The following PEAK1 variants were observed in gnomAD, a reference collection of about 807,000 sequenced individuals.
PEAK1 encodes inactive tyrosine-protein kinase PEAK1.
PEAK1 carries 54 observed loss-of-function variants against 124.7 expected under a neutral mutation model. The ratio of observed to expected loss-of-function variants is 0.43; its 90% confidence interval spans 0.35 to 0.54. The LOEUF (loss-of-function observed/expected upper bound fraction) is 0.54. Ranked by LOEUF, PEAK1 falls within the 20% of genes least tolerant of loss-of-function variation. The pLI is 0.01. For synonymous variants in PEAK1, 719 were observed against 760.0 expected (o/e 0.95, Z 0.89); for missense variants, 2,046 against 2,134.5 (o/e 0.96, Z 0.82).
intron 9 of PEAK1, among the ~76,000 whole-genome samples, chr15:77,115,706 TCTTA>T (rs1259126791): frequency 4.6e-5 from 7 of 152,224 alleles, no homozygotes; most frequent in Non-Finnish European, 7.3e-5. Flanking sequence ...ATAATTTTTC[TCTTA>T]CTTCTGTAGA....
At chr15:77,354,561 T>C (rs1010019880) in intron 2 of PEAK1, among the ~76,000 whole-genome samples, 6 of 152,188 alleles carry the variant, frequency 3.9e-5, no homozygotes, top group Non-Finnish European at 8.8e-5. Flanking sequence ...AGCTTACAGG[T>C]AGGTACTTTG....
chr15:77,124,735 C>A (rs2052225120), intron 9 of PEAK1, among the ~76,000 whole-genome samples: 1 of 152,182 alleles, frequency 6.6e-6, no homozygotes, highest in Non-Finnish European at 1.5e-5. Flanking sequence ...TACTTAGTGG[C>A]TTCCCACAAA....
intron 2 of PEAK1, among the ~76,000 whole-genome samples, chr15:77,361,287 TA>T (rs1222173844): frequency 6.6e-6 from 1 of 151,874 alleles, no homozygotes; most frequent in African/African-American, 2.4e-5. Flanking sequence ...GCAAAAAATT[TA>T]AAAAAATTAG....
intron 2 of PEAK1, among the ~76,000 whole-genome samples, chr15:77,362,288 T>C (rs977734205): frequency 1.3e-5 from 2 of 152,024 alleles, no homozygotes; most frequent in African/African-American, 4.8e-5. Flanking sequence ...ATCACTAACA[T>C]ATATGTACTA....
chr15:77,349,906 AATACATGTTTCTGAGTGT>A (rs2067103938), intron 2 of PEAK1: 1 of 984,548 alleles, frequency 1.0e-6, no homozygotes, highest in African/African-American at 1.7e-5. Context: ...ACACATTTAC[AATACATGTTTCTGAGTGT>A]CACGAAGAAA....
intron 2 of PEAK1, among the ~76,000 whole-genome samples, chr15:77,293,668 G>C (rs571559429): frequency 6.6e-6 from 1 of 152,254 alleles, no homozygotes; most frequent in East Asian, 1.9e-4. Flanking sequence ...TACTAAGAGA[G>C]AAAGTGCAAG....
intron 6 of PEAK1, among the ~76,000 whole-genome samples, chr15:77,215,246 G>C (rs1369312330): frequency 6.6e-6 from 1 of 152,128 alleles, no homozygotes; most frequent in Non-Finnish European, 1.5e-5. Flanking sequence ...AATTGGGTTT[G>C]CTTACTGAGT....
chr15:77,308,009 C>G (rs1045141639), intron 2 of PEAK1, among the ~76,000 whole-genome samples: 1 of 152,008 alleles, frequency 6.6e-6, no homozygotes, highest in African/African-American at 2.4e-5. Context: ...CTTCATAATA[C>G]TTAGTGTTAG....
chr15:77,181,235 G>C lies in PEAK1; in HGVS notation c.692C>G (p.Ser231Cys), dbSNP rs1328835791. The change falls in exon 7 of 10, where the codon TCC (serine) becomes TGC (cysteine). Residue 231 changes from serine to cysteine, a missense_variant. Ser to Cys is a moderately radical substitution (Grantham distance 112, BLOSUM62 -1). Transcript: ENST00000682557. Reference protein sequence around the residue: ...EGGRFCYPEFSSGEESEEDVL... With the variant: ...EGGRFCYPEFCSGEESEEDVL... ...ATCCTCTTCACTCTCCTCGCCACTGGAAAACTCTGGGTAACAGAACCGGCC... is the reference window on the plus strand; with the variant it reads ...ATCCTCTTCACTCTCCTCGCCACTGCAAAACTCTGGGTAACAGAACCGGCC... 3 of 1,613,840 alleles carry C rather than the reference G, an allele frequency of 1.9e-6. No individual in the cohort carries two copies. The highest frequency in any genetic ancestry group is 2.2e-5 in the South Asian group (2 of 91,074).
intron 5 of PEAK1, among the ~76,000 whole-genome samples, chr15:77,264,287 T>G (rs1287980973): frequency 1.3e-5 from 2 of 152,026 alleles, no homozygotes; most frequent in Non-Finnish European, 2.9e-5. Flanking sequence ...ATAAAGGGTA[T>G]TCAATTAGGA....
chr15:77,342,066 T>C (rs776472088), intron 2 of PEAK1, among the ~76,000 whole-genome samples: 62 of 152,116 alleles, frequency 4.1e-4, no homozygotes, highest in Non-Finnish European at 6.0e-4. Context: ...TAGTAATCTT[T>C]ATATCTCCTT....
intron 8 of PEAK1, among the ~76,000 whole-genome samples, chr15:77,147,553 GA>G (rs1257370651): frequency 2.6e-5 from 4 of 152,082 alleles, no homozygotes; most frequent in African/African-American, 9.7e-5. Flanking sequence ...TCTATTTTGA[GA>G]TAAACACAGA....
intron 8 of PEAK1, among the ~76,000 whole-genome samples, chr15:77,139,043 A>C (rs2053565693): frequency 6.6e-6 from 1 of 152,250 alleles, no homozygotes; most frequent in East Asian, 1.9e-4. Context: ...GTCTTTGTAG[A>C]TGTAATCAAG....
At chr15:77,333,282 A>G (rs2066003469) in intron 2 of PEAK1, 1 of 957,656 alleles carries the variant, frequency 1.0e-6, no homozygotes, top group Non-Finnish European at 1.2e-6. Context: ...ACTGTGCCGG[A>G]TTCAATCACT....
chr15:77,152,693 C>T (rs2054757239), intron 8 of PEAK1, among the ~76,000 whole-genome samples: 1 of 152,128 alleles, frequency 6.6e-6, no homozygotes, highest in Non-Finnish European at 1.5e-5. Context: ...GAGTTTTTAG[C>T]ATGAAGGGTT....
intron 5 of PEAK1, among the ~76,000 whole-genome samples, chr15:77,282,401 T>TA (rs899003578): frequency 2.0e-5 from 3 of 152,106 alleles, no homozygotes; most frequent in Non-Finnish European, 4.4e-5. Flanking sequence ...CATGACTCAT[T>TA]AAAAAAAATT....
intron 6 of PEAK1, among the ~76,000 whole-genome samples, chr15:77,227,228 T>C (rs1470111641): frequency 1.3e-5 from 2 of 152,152 alleles, no homozygotes; most frequent in East Asian, 3.8e-4. Context: ...TAATTACTTG[T>C]TTTTCAGCAA....
chr15:77,185,647 A>G (rs2057508215), intron 6 of PEAK1, among the ~76,000 whole-genome samples: 1 of 152,202 alleles, frequency 6.6e-6, no homozygotes, highest in African/African-American at 2.4e-5. Flanking sequence ...GAAGAGTGAG[A>G]TAATAGAGCA....
chr15:77,179,385 T>C lies in PEAK1; in HGVS notation c.2542A>G (p.Ile848Val), dbSNP rs980288271. The C allele has an allele frequency of 1.2e-6, 2 of 1,613,942 alleles. No individual in the cohort carries two copies. The highest frequency in any genetic ancestry group is 1.7e-5 in the Admixed American group (1 of 59,992). The change falls in exon 7 of 10, where the codon ATA becomes GTA. Residue 848 changes from isoleucine to valine, a missense_variant. Coordinates refer to ENST00000682557, the MANE Select transcript of PEAK1 (RefSeq NM_001385026.1). ...GAGGGAGAGGGGGTGACTGGCTTTA[T>C]GGATGGGTCTTTCTGTACTTTGGTG... Reference protein sequence around the residue: ...PTTKVQKDPSIKPVTPSPSKL... With the variant: ...PTTKVQKDPSVKPVTPSPSKL...
Sources: gnomAD v4.1 joint callset for allele counts (sites outside exome capture counted in the v4.1 genomes callset) on GRCh38, gnomAD v4.1.1 for gene constraint, MANE v1.5 for transcripts, NCBI Gene and HGNC (gene_info 2026-07-23, HGNC 2026-07-21) for gene names.